RGL3: variants seen among roughly 807,000 people sequenced by gnomAD.
The protein encoded by RGL3 is ral guanine nucleotide dissociation stimulator like 3.
A neutral mutation model predicts 90.6 loss-of-function variants in RGL3; 85 were observed. The ratio of observed to expected loss-of-function variants is 0.94; its 90% CI spans 0.79 to 1.12. RGL3 has a LOEUF of 1.12. Among genes scored for constraint, RGL3 ranks in the 50% most tolerant of loss-of-function variants. The probability of loss-of-function intolerance (pLI) is 0.00; values close to 1 mark genes in which losing one functional copy is unlikely to be tolerated. For missense variants in RGL3, 1,034 were observed against 939.2 expected (o/e 1.10, Z -1.32); for synonymous variants, 408 against 385.5 (o/e 1.06, Z -0.68).
At chr19:11,405,560 C>T (rs1306999095) in intron 7 of RGL3, 134 bp from the exon 8 acceptor site, 2 of 702,814 alleles carry the variant, frequency 2.8e-6, no homozygotes, top group African/African-American at 4.2e-5. Flanking sequence ...GTCTGTGGCC[C>T]AGGCTGGAGT....
In RGL3 at chr19:11,417,616, C is replaced by T. The variant is rs187416509; in HGVS notation, c.148-557G>A. Among the ~76,000 whole-genome samples, 327 of 151,910 alleles carry T rather than the reference C, an allele frequency of 2.2e-3. 1 individual carries two copies. The highest frequency in any genetic ancestry group is 0.01 in the Middle Eastern group (3 of 294). On this transcript the variant is annotated intron_variant, in intron 2 of 18. Transcript: ENST00000380456. Reference sequence around the variant, plus strand: ...TCCCAAGTATCTGGGATTACAGGCACCCGCCACCAAGCCCAGCTAGTTTTT... The same window carrying T: ...TCCCAAGTATCTGGGATTACAGGCATCCGCCACCAAGCCCAGCTAGTTTTT...
At position 11,400,236 on chromosome 19, in the gene RGL3, G is replaced by C; in HGVS notation, c.1546C>G (p.Arg516Gly). 1 of 1,598,364 alleles carries C rather than the reference G, an allele frequency of 6.3e-7. No individual in the cohort carries two copies. Among genetic ancestry groups the C allele is most frequent in the Non-Finnish European group, 8.5e-7 (1 of 1,171,906 alleles). Residue 516 changes from arginine to glycine, a missense_variant, in exon 14 of 19, where the codon CGA becomes GGA. Transcript: ENST00000380456. ...AASCPSSPRI[R>G]RRISLTKRLS... ...CGCTTGGTGAGGCTGATCCGCCGTC[G>C]GATGCGTGGGGAGCTGGGGCAGGAG...
chr19:11,405,498 T>C lies in RGL3; in HGVS notation c.997-72A>G, dbSNP rs1968762313. The C allele has an allele frequency of 1.0e-4, 18 of 175,950 alleles. No homozygotes were observed. The South Asian group carries it at 2.4e-3, about 24-fold the overall frequency. 10.9% of individuals were successfully genotyped at this position (175,950 alleles called of 1,614,324 possible). A position where few individuals can be genotyped will look rare whatever the true frequency, so the allele number is the denominator to read the frequency against. On this transcript the variant is annotated intron_variant, in intron 7 of 18. Transcript: ENST00000380456. ...TTCATCCTGAAACTTCTTCATCTTT[T>C]TTTTTTTTTTTTTTTTTTTTTTTTT...
In RGL3 at chr19:11,399,364, C is replaced by T. The variant is rs184439635; in HGVS notation, c.1746+491G>A. Reference sequence around the variant, plus strand: ...AGTGCATTGTTTGAGCTCAGGAGTTCGAAACCCACCTGGGCAACATGGCGA... The same window carrying T: ...AGTGCATTGTTTGAGCTCAGGAGTTTGAAACCCACCTGGGCAACATGGCGA... On this transcript the variant is annotated intron_variant, in intron 16 of 18. Transcript: ENST00000380456. Among the ~76,000 whole-genome samples the T allele has an allele frequency of 2.6e-5, 4 of 152,094 alleles. No individual in the cohort carries two copies. In the East Asian group the frequency reaches 7.8e-4, roughly 30 times the overall value.
rs375599580 is a variant in RGL3 at position 11,400,020 on chromosome 19, T to C, written c.1649+20A>G. ...CCTGATCCCATGATCCCCAGTCCCA[T>C]CACCAAGCAGAATGCTCACCTGGAG... On this transcript the variant is annotated intron_variant, in intron 15 of 18. Transcript: ENST00000380456. 28 of 1,602,274 alleles carry C rather than the reference T, an allele frequency of 1.7e-5. No individual in the cohort carries two copies. The African/African-American group carries it at 3.5e-4, about 20-fold the overall frequency.
In RGL3 at chr19:11,416,963, C is replaced by T; in HGVS notation, c.244G>A (p.Val82Met). The change falls in exon 3 of 19, where the codon GTG becomes ATG. Residue 82 changes from valine to methionine, a missense_variant. Coordinates refer to ENST00000380456, the MANE Select transcript of RGL3 (RefSeq NM_001035223.4). ...GGGTCCTGCTCACGGTCTCCAAACA[C>T]CAACTCTCCCACCAGCCGCTCCAGG... The part of the protein sequence containing the change: ...ARLERLVGEL[V>M]FGDREQDPSF... 1 of 1,614,066 alleles carries T rather than the reference C, an allele frequency of 6.2e-7. No individual in the cohort carries two copies. The highest frequency in any genetic ancestry group is 1.1e-5 in the South Asian group (1 of 91,076).
Position 11,419,313 on chromosome 19 carries a change from G to A in RGL3, c.-35C>T. On this transcript the variant is annotated 5_prime_UTR_variant, in exon 1 of 19. Transcript: ENST00000380456. The stretch of plus-strand genomic sequence containing the variant: ...CCGTCCCTCTCAGTGGCGCCGCTGA[G>A]TGAGGCGGAAGGGCCGGCGGGTGGC... 6.5e-7 allele frequency: 1 copy of A among 1,530,492 alleles called. No homozygotes were observed. Among genetic ancestry groups the A allele is most frequent in the East Asian group, 2.7e-5 (1 of 37,592 alleles). The allele number at this position is 1,530,492 out of a possible 1,614,324, so 94.8% of individuals were successfully genotyped here. A position where few individuals can be genotyped will look rare whatever the true frequency, so the allele number is the denominator to read the frequency against.
rs372106275 is a variant in RGL3 at position 11,400,202 on chromosome 19, G to A, written c.1580C>T (p.Ala527Val). Reference sequence around the variant, plus strand: ...CCCCTACACACACCCCGAGACTCACGCACTGAGACGCTTGGTGAGGCTGAT... The same window carrying A: ...CCCCTACACACACCCCGAGACTCACACACTGAGACGCTTGGTGAGGCTGAT... ...RRISLTKRLS[A>V]KLAREKSSSP... The change falls in exon 14 of 19, where the codon GCG becomes GTG. Residue 527 changes from alanine to valine, a missense_variant and splice_region_variant. Coordinates refer to ENST00000380456, the MANE Select transcript of RGL3 (RefSeq NM_001035223.4). 24 of 1,581,732 alleles carry A rather than the reference G, an allele frequency of 1.5e-5. No individual in the cohort carries two copies. The highest frequency in any genetic ancestry group is 3.6e-5 in the Admixed American group (2 of 55,808).
intron 5 of RGL3, among the ~76,000 whole-genome samples, chr19:11,414,167 A>ATATACACCTATATATATATACCTT (rs1968924769): frequency 4.5e-5 from 5 of 110,980 alleles, no homozygotes; most frequent in African/African-American, 2.1e-4. Flanking sequence ...ATATATATAT[A>ATATACACCTATATATATATACCTT]TATATATATA....
At chr19:11,398,609 G>C (rs2144717421) in intron 16 of RGL3, among the ~76,000 whole-genome samples, 1 of 152,044 alleles carries the variant, frequency 6.6e-6, no homozygotes, top group African/African-American at 2.4e-5. Context: ...GCCTCCCAAA[G>C]TGCTGGGATT....
At chr19:11,397,747 G>T (rs1568334934) in intron 16 of RGL3, 150 bp from the exon 17 acceptor site, 1 of 801,624 alleles carries the variant, frequency 1.2e-6, no homozygotes, top group Non-Finnish European at 1.8e-6. Flanking sequence ...AGTGGCTCAT[G>T]CCTGTAATCT....
rs147105093 is a variant in RGL3 at position 11,417,025 on chromosome 19, T to C, written c.182A>G (p.Tyr61Cys). The change falls in exon 3 of 19, where the codon TAT (tyrosine) becomes TGT (cysteine). Residue 61 changes from tyrosine (Y) to cysteine (C), a missense_variant. Coordinates refer to ENST00000380456, the MANE Select transcript of RGL3 (RefSeq NM_001035223.4). ...PSPIANTFLH[Y>C]RTSKVRVLRA... ...CAGCACCCTCACCTTGCTGGTTCGA[T>C]AGTGGAGGAAGGTATTGGCAATGGG... 1.9e-6 allele frequency: 3 copies of C among 1,611,370 alleles called. No individual in the cohort carries two copies. The African/African-American group carries it at 4.0e-5, about 22-fold the overall frequency.
At position 11,405,140 on chromosome 19, in the gene RGL3, T is replaced by C. The variant is rs1046486034; in HGVS notation, c.1185+7A>G. The stretch of plus-strand genomic sequence containing the variant: ...CTAAAATCCCTGGAGTCTGCATCCA[T>C]CTCTACCTGGAAAAGAATCTCTCTG... On this transcript the variant is annotated splice_region_variant and intron_variant, in intron 9 of 18. Coordinates refer to ENST00000380456, the MANE Select transcript of RGL3 (RefSeq NM_001035223.4). 4 of 1,613,196 alleles carry C rather than the reference T, an allele frequency of 2.5e-6. No individual in the cohort carries two copies. The highest frequency in any genetic ancestry group is 1.6e-4 in the Middle Eastern group (1 of 6,084).
rs1968711819 is a variant in RGL3, at chr19:11,403,234, A to C, written c.1186-528T>G. Among the ~76,000 whole-genome samples, 6 of 150,760 alleles carry C rather than the reference A, an allele frequency of 4.0e-5. No homozygotes were observed. In the South Asian group the frequency reaches 1.3e-3, roughly 32 times the overall value. ...GTATTTTTAGTAGAGACAGGGTTTC[A>C]CTGTGTTAGCCAGGATGGTCTCGAT... On this transcript the variant is annotated intron_variant, in intron 9 of 18. Coordinates refer to ENST00000380456, the MANE Select transcript of RGL3 (RefSeq NM_001035223.4).
chr19:11,405,854 C>T (rs146027481), intron 7 of RGL3, among the ~76,000 whole-genome samples: 322 of 151,296 alleles, frequency 2.1e-3, no homozygotes, highest in African/African-American at 7.3e-3. Flanking sequence ...CACCACCACA[C>T]CCGGCTAATT....
At chr19:11,408,193 T>C (rs1020190223) in intron 5 of RGL3, among the ~76,000 whole-genome samples, 1 of 152,222 alleles carries the variant, frequency 6.6e-6, no homozygotes, top group African/African-American at 2.4e-5. Context: ...CTCAAACACC[T>C]GGGCTCAAGC....
intron 2 of RGL3, among the ~76,000 whole-genome samples, chr19:11,417,272 C>T (rs867232606): frequency 6.6e-6 from 1 of 151,122 alleles, no homozygotes; most frequent in Non-Finnish European, 1.5e-5. Flanking sequence ...CTTCCTCAGC[C>T]TCCAAGTAGC....
Position 11,399,827 on chromosome 19 carries a change from C to T in RGL3, c.1746+28G>A, listed in dbSNP as rs372755592. On this transcript the variant is annotated intron_variant, in intron 16 of 18. Transcript: ENST00000380456. Reference sequence around the variant, plus strand: ...CACAGAGCCTGGGTGCCCGCAGGCCCGCATGCACACACAAGCCGTCTTGGT... The same window carrying T: ...CACAGAGCCTGGGTGCCCGCAGGCCTGCATGCACACACAAGCCGTCTTGGT... 37 of 1,294,706 alleles carry T rather than the reference C, an allele frequency of 2.9e-5. No homozygotes were observed. In the Middle Eastern group the frequency reaches 7.5e-4, roughly 26 times the overall value. 80.2% of individuals were successfully genotyped at this position (1,294,706 alleles called of 1,614,324 possible). A position where few individuals can be genotyped will look rare whatever the true frequency, so the allele number is the denominator to read the frequency against.
In RGL3 at chr19:11,406,346, T is replaced by G. The variant is rs1968777625; in HGVS notation, c.996+73A>C. 10 of 1,401,688 alleles carry G rather than the reference T, an allele frequency of 7.1e-6. No homozygotes were observed. In the South Asian group the frequency reaches 1.2e-4, roughly 17 times the overall value. 86.8% of individuals were successfully genotyped at this position (1,401,688 alleles called of 1,614,324 possible). ...CCTCGCCTAGACTCGCCCCTATCTC[T>G]CTCCGGAGCCCTCATTTTTTCCCCT... On this transcript the variant is annotated intron_variant, in intron 7 of 18. Coordinates refer to ENST00000380456, the MANE Select transcript of RGL3 (RefSeq NM_001035223.4).
Sources: allele counts gnomAD v4.1 joint callset (sites outside exome capture counted in the v4.1 genomes callset), GRCh38; gene constraint gnomAD v4.1.1; transcripts MANE v1.5; gene names NCBI Gene and HGNC (gene_info 2026-07-23, HGNC 2026-07-21).